The following RBMS1 variants were observed in gnomAD, a reference collection of about 807,000 sequenced individuals.
RBMS1 encodes RNA binding motif single stranded interacting protein 1, also known as RNA-binding motif, single-stranded-interacting protein 1.
Under a neutral mutation model 62.3 loss-of-function variants are expected in RBMS1, and 17 were observed. The ratio of observed to expected loss-of-function variants is 0.27; its 90% CI spans 0.19 to 0.41. The LOEUF (loss-of-function observed/expected upper bound fraction) is 0.41, where lower values mean the gene tolerates loss of function less well. Ranked by LOEUF, RBMS1 falls within the 10% of genes least tolerant of loss-of-function variation. RBMS1 has a pLI of 1.00. For synonymous variants in RBMS1, 172 were observed against 170.0 expected (o/e 1.01, Z -0.09); for missense variants, 334 against 504.5 (o/e 0.66, Z 3.24).
intron 2 of RBMS1, among the ~76,000 whole-genome samples, chr2:160,345,152 AC>A (rs1692105890): frequency 6.6e-6 from 1 of 152,048 alleles, no homozygotes; most frequent in African/African-American, 2.4e-5. Context: ...CTATTGTGAA[AC>A]CCACAATGCT....
chr2:160,383,707 C>T (rs75428193), intron 1 of RBMS1, among the ~76,000 whole-genome samples: 1,683 of 152,220 alleles, frequency 0.011, 16 homozygotes, highest in Middle Eastern at 0.034. Flanking sequence ...TATAGTCATT[C>T]TATGGTGGTA....
chr2:160,298,759 G>A (rs1399014969), intron 6 of RBMS1, among the ~76,000 whole-genome samples: 2 of 152,152 alleles, frequency 1.3e-5, no homozygotes, highest in African/African-American at 2.4e-5. Context: ...CCCTCAGAAT[G>A]TGATCTTACT....
intron 1 of RBMS1, among the ~76,000 whole-genome samples, chr2:160,421,144 CTTTTTT>C (rs913881647): frequency 6.8e-6 from 1 of 147,168 alleles, no homozygotes; most frequent in African/African-American, 2.5e-5. Context: ...ATTCTTTTTT[CTTTTTT>C]TTTTTATTAT....
chr2:160,462,470 G>A (rs1027953591), intron 1 of RBMS1, among the ~76,000 whole-genome samples: 2 of 152,196 alleles, frequency 1.3e-5, no homozygotes, highest in African/African-American at 4.8e-5. Context: ...TGGTATCTGG[G>A]TGGAAGACTT....
rs535136038 is a variant in RBMS1 at position 160,339,971 on chromosome 2, C to T, written c.252-21744G>A. On this transcript the variant is annotated intron_variant, in intron 2 of 13. Coordinates refer to ENST00000348849, the MANE Select transcript of RBMS1 (RefSeq NM_016836.4). ...AGTCATTCTCACTCTTAGACACACA[C>T]ATAACATGTACAAATCTGTTGCTCT... 7.9e-5 allele frequency among the ~76,000 whole-genome samples: 12 copies of T among 152,266 alleles called. No individual in the cohort carries two copies. The South Asian group carries it at 2.5e-3, about 32-fold the overall frequency.
chr2:160,311,232 C>CTATCTATCTATCTATA (rs1381483574), intron 4 of RBMS1, among the ~76,000 whole-genome samples: 21 of 79,256 alleles, frequency 2.6e-4, no homozygotes, highest in South Asian at 9.1e-4. Flanking sequence ...ATCTATCTAT[C>CTATCTATCTATCTATA]TATATATATA....
At chr2:160,439,828 G>A (rs563586344) in intron 1 of RBMS1, among the ~76,000 whole-genome samples, 61 of 152,292 alleles carry the variant, frequency 4.0e-4, no homozygotes, top group African/African-American at 1.4e-3. Flanking sequence ...CGAGGCTGGC[G>A]GATCACTCGC....
chr2:160,422,790 A>T (rs1696485748), intron 1 of RBMS1, among the ~76,000 whole-genome samples: 1 of 152,170 alleles, frequency 6.6e-6, no homozygotes, highest in South Asian at 2.1e-4. Context: ...CTCCTGAGTT[A>T]CTCACAACCT....
intron 1 of RBMS1, among the ~76,000 whole-genome samples, chr2:160,444,829 A>T (rs995805341): frequency 6.6e-6 from 1 of 152,310 alleles, no homozygotes; most frequent in South Asian, 2.1e-4. Context: ...ATATGCACTA[A>T]GGAAGGACAC....
intron 1 of RBMS1, among the ~76,000 whole-genome samples, chr2:160,390,392 T>G (rs1694794701): frequency 1.3e-5 from 2 of 152,026 alleles, no homozygotes; most frequent in African/African-American, 4.8e-5. Context: ...AGGAAAGACT[T>G]CAGAAAGAAA....
intron 9 of RBMS1, chr2:160,284,562 G>GTTTCATCATTGATGAA: frequency 1.8e-6 from 1 of 545,366 alleles, no homozygotes; most frequent in South Asian, 2.0e-5. Context: ...TCCAAGGACT[G>GTTTCATCATTGATGAA]ACCACTGACA....
intron 10 of RBMS1, among the ~76,000 whole-genome samples, chr2:160,280,111 C>T (rs376865377): frequency 2.0e-5 from 3 of 152,076 alleles, no homozygotes; most frequent in Non-Finnish European, 4.4e-5. Context: ...TTCATTGGCA[C>T]CATCTGTAAT....
chr2:160,318,216 A>G lies in RBMS1; in HGVS notation c.263T>C (p.Ile88Thr). 7.1e-7 allele frequency: 1 copy of G among 1,410,474 alleles called. No homozygotes were observed. Among genetic ancestry groups the G allele is most frequent in the South Asian group, 1.4e-5 (1 of 72,822 alleles). 87.4% of individuals were successfully genotyped at this position (1,410,474 alleles called of 1,614,324 possible). A position where few individuals can be genotyped will look rare whatever the true frequency, so the allele number is the denominator to read the frequency against. Residue 88 changes from isoleucine (I) to threonine (T), a missense_variant, in exon 3 of 14, where the codon ATA becomes ACA. Transcript: ENST00000348849. ...LVKLCQPYGK[I>T]VSTKAILDKT... ...ATCCAAAATTGCCTTTGTGGAGACT[A>G]TTTTCCCATATCTAAAAAAAAAAAA...
At chr2:160,422,659 T>C (rs1006216973) in intron 1 of RBMS1, among the ~76,000 whole-genome samples, 1 of 143,966 alleles carries the variant, frequency 6.9e-6, no homozygotes, top group African/African-American at 2.5e-5. Flanking sequence ...TTTAATTTAC[T>C]TAACAAACCT....
intron 10 of RBMS1, chr2:160,278,914 T>C: frequency 3.1e-6 from 1 of 321,130 alleles, no homozygotes; most frequent in Non-Finnish European, 5.7e-6. Context: ...TTAAAGCCAG[T>C]GTCCCTCTTC....
At chr2:160,456,382 G>A (rs151085863) in intron 1 of RBMS1, among the ~76,000 whole-genome samples, 1 of 152,106 alleles carries the variant, frequency 6.6e-6, no homozygotes, top group Non-Finnish European at 1.5e-5. Flanking sequence ...GAAGTCATCT[G>A]GCACTTTTGC....
At chr2:160,448,790 A>G (rs1268628720) in intron 1 of RBMS1, among the ~76,000 whole-genome samples, 4 of 145,100 alleles carry the variant, frequency 2.8e-5, no homozygotes, top group Non-Finnish European at 6.0e-5. Flanking sequence ...CTGCCCAGCC[A>G]CCCAGTCTGG....
At chr2:160,336,040 G>T (rs1246092746) in intron 2 of RBMS1, among the ~76,000 whole-genome samples, 1 of 152,120 alleles carries the variant, frequency 6.6e-6, no homozygotes, top group African/African-American at 2.4e-5. Context: ...ATGTTAGGGT[G>T]TGAAATTTAG....
intron 1 of RBMS1, among the ~76,000 whole-genome samples, chr2:160,377,049 G>C (rs1694038950): frequency 1.3e-5 from 2 of 151,794 alleles, no homozygotes. Context: ...GGAAGAGATG[G>C]CTGTCTCTAA....
Sources: allele counts gnomAD v4.1 joint callset (sites outside exome capture counted in the v4.1 genomes callset), GRCh38; gene constraint gnomAD v4.1.1; transcripts MANE v1.5; gene names NCBI Gene and HGNC (gene_info 2026-07-23, HGNC 2026-07-21).